The following GGA2 variants were observed in gnomAD, a reference collection of about 807,000 sequenced individuals.
GGA2 encodes the protein ADP-ribosylation factor-binding protein GGA2.
Under a neutral mutation model 79.5 loss-of-function variants are expected in GGA2, and 48 were observed. The observed-to-expected ratio is 0.60, with a 90% CI of 0.48 to 0.77. GGA2 has a LOEUF of 0.77. Among genes scored for constraint, GGA2 ranks in the 30% least tolerant of loss-of-function variants. The pLI is 0.00. For synonymous variants in GGA2, 317 were observed against 302.0 expected, an observed-to-expected ratio of 1.05 and a Z score of -0.51; for missense variants, 770 against 774.0, an observed-to-expected ratio of 0.99 and a Z score of 0.06.
chr16:23,489,045 G>A lies in GGA2; in HGVS notation c.476-336C>T, dbSNP rs917605047. Among the ~76,000 whole-genome samples, 14 of 152,256 alleles carry A rather than the reference G, an allele frequency of 9.2e-5. 1 individual carries two copies. Among genetic ancestry groups the A allele is most frequent in the African/African-American group, 3.1e-4 (13 of 41,540 alleles). Reference sequence around the variant, plus strand: ...GATCAAAAGTTTCTGGAGGGTCCCTGATGAAGCTCCTGAAAATGCTGAGTG... The same window carrying A: ...GATCAAAAGTTTCTGGAGGGTCCCTAATGAAGCTCCTGAAAATGCTGAGTG... On this transcript the variant is annotated intron_variant, in intron 5 of 16. Transcript: ENST00000309859.
In GGA2 at chr16:23,464,375, GCAGATGATAC is replaced by G. The variant is rs1567355110; in HGVS notation, c.*3205_*3214del. ...TGTGGTGAAGCAGGCCCTGGTCTTG[GCAGATGATAC>G]CAGAAGGGCACTGAGTGCCAGCGTG... is the stretch of plus-strand genomic sequence containing the variant. On this transcript the variant is annotated 3_prime_UTR_variant, in exon 17 of 17. Transcript: ENST00000309859. The G allele has an allele frequency of 2.0e-5, 3 of 152,168 alleles. No individual in the cohort carries two copies. The highest frequency in any genetic ancestry group is 6.6e-5 in the Admixed American group (1 of 15,262). 9.4% of individuals were successfully genotyped at this position (152,168 alleles called of 1,614,324 possible). A position where few individuals can be genotyped will look rare whatever the true frequency, so the allele number is the denominator to read the frequency against.
rs118145160 is a variant in GGA2, at chr16:23,486,266, A to G, written c.661-114T>C. 853 of 885,532 alleles carry G rather than the reference A, an allele frequency of 9.6e-4. 2 individuals carry two copies. The highest frequency in any genetic ancestry group is 1.2e-3 in the Non-Finnish European group (662 of 554,682). 54.9% of individuals were successfully genotyped at this position (885,532 alleles called of 1,614,324 possible). A position where few individuals can be genotyped will look rare whatever the true frequency, so the allele number is the denominator to read the frequency against. ...GAGCTCGCTCAGGGGCATCACCAGG[A>G]TGTTAAGTGCATGGGAGAACTCACA... On this transcript the variant is annotated intron_variant, in intron 7 of 16. Coordinates refer to ENST00000309859, the MANE Select transcript of GGA2 (RefSeq NM_015044.4).
chr16:23,521,931 T>A, exon 1 of GGA2: 8 of 411,920 alleles, frequency 1.9e-5, no homozygotes, highest in Non-Finnish European at 3.9e-5. Context: ...TTTTGCCTCG[T>A]ACTATAACCT....
intron 13 of GGA2, among the ~76,000 whole-genome samples, chr16:23,476,324 CTAT>C (rs973496541): frequency 1.3e-5 from 2 of 152,170 alleles, no homozygotes; most frequent in African/African-American, 4.8e-5. Flanking sequence ...CTGGTGGTTT[CTAT>C]CAGGAACATG....
chr16:23,472,184 GTTTTTTTTTTTTT>G lies in GGA2; in HGVS notation c.1451-2032_1451-2020del, dbSNP rs749688834. ...TCCAAAGATGTTCTTTGTAGCCCTG[GTTTTTTTTTTTTT>G]TTTTTTTTTTTTTTTAGACACAGTC... On this transcript the variant is annotated intron_variant, in intron 14 of 16. Transcript: ENST00000309859. 7.1e-4 allele frequency among the ~76,000 whole-genome samples: 39 copies of G among 54,868 alleles called. 1 individual carries two copies. In the South Asian group the frequency reaches 0.021, roughly 30 times the overall value. 36.0% of individuals were successfully genotyped at this position (54,868 alleles called of 152,430 possible).
intron 13 of GGA2, among the ~76,000 whole-genome samples, chr16:23,475,481 C>T (rs904367628): frequency 3.3e-5 from 5 of 151,590 alleles, no homozygotes; most frequent in Admixed American, 1.3e-4. Flanking sequence ...TGAGCTAATG[C>T]GCCAGATGTT....
At chr16:23,472,536 T>C (rs1283127224) in intron 14 of GGA2, among the ~76,000 whole-genome samples, 7 of 151,140 alleles carry the variant, frequency 4.6e-5, no homozygotes, top group South Asian at 4.2e-4. Flanking sequence ...TAGAAAGAAA[T>C]TGACCTTCAG....
intron 1 of GGA2, chr16:23,501,309 T>A (rs1305578245): frequency 4.4e-6 from 2 of 456,990 alleles, no homozygotes; most frequent in Non-Finnish European, 4.4e-6. Context: ...CTTGGAGCCA[T>A]GCTTCTTGCC....
At chr16:23,510,966 CAT>C (rs1965046837), upstream of GGA2, among the ~76,000 whole-genome samples, 9 of 127,682 alleles carry the variant, frequency 7.0e-5, no homozygotes, top group African/African-American at 2.8e-4. Flanking sequence ...TGGGTTTCAC[CAT>C]GTTGCCCGGG....
Position 23,465,494 on chromosome 16 carries a change from A to G in GGA2, c.*2096T>C, listed in dbSNP as rs1964424244. ...CTCAAAAGCAAGAATGTTCAGGTAC[A>G]CATGTGTGAGTTCACCTCCTAACTA... On this transcript the variant is annotated 3_prime_UTR_variant, in exon 17 of 17. Transcript: ENST00000309859. 1 of 694,188 alleles carries G rather than the reference A, an allele frequency of 1.4e-6. No homozygotes were observed. The highest frequency in any genetic ancestry group is 2.6e-6 in the Non-Finnish European group (1 of 380,264). The allele number at this position is 694,188 out of a possible 1,614,324, so 43.0% of individuals were successfully genotyped here.
chr16:23,465,378 A>T lies in GGA2; in HGVS notation c.*2212T>A. ...AGAAGGGAGTGATGCCATAAACCAC[A>T]GCCACTTTCAGGACAGCAGCCTGCC... On this transcript the variant is annotated 3_prime_UTR_variant, in exon 17 of 17. Transcript: ENST00000309859. 1.4e-6 allele frequency: 1 copy of T among 702,968 alleles called. No homozygotes were observed. Among genetic ancestry groups the T allele is most frequent in the Non-Finnish European group, 2.6e-6 (1 of 384,846 alleles). The allele number at this position is 702,968 out of a possible 1,614,324, so 43.5% of individuals were successfully genotyped here.
chr16:23,516,484 A>G lies in GGA2; in HGVS notation c.61+3103T>C, dbSNP rs552866841. On this transcript the variant is annotated intron_variant, in intron 2 of 5. Transcript: ENST00000569300. ...GCCCTTTTCTGTGCCTCATTTTCCA[A>G]TCTTCTCCTACTGGGGCTCCTTCCT... Among the ~76,000 whole-genome samples, 5 of 152,102 alleles carry G rather than the reference A, an allele frequency of 3.3e-5. No individual in the cohort carries two copies. The South Asian group carries it at 6.2e-4, about 19-fold the overall frequency.
chr16:23,511,208 AG>A (rs1965055478), upstream of GGA2, among the ~76,000 whole-genome samples: 1 of 151,746 alleles, frequency 6.6e-6, no homozygotes, highest in East Asian at 1.9e-4. Flanking sequence ...GCTGGAGTGC[AG>A]GGGTGCCATC....
chr16:23,520,432 T>G (rs1463809566), intron 1 of GGA2, among the ~76,000 whole-genome samples: 1 of 152,086 alleles, frequency 6.6e-6, no homozygotes, highest in Non-Finnish European at 1.5e-5. Flanking sequence ...CCTTCACTGC[T>G]GCACTATACC....
intron 14 of GGA2, among the ~76,000 whole-genome samples, chr16:23,470,743 T>C (rs1410490159): frequency 1.0e-5 from 1 of 97,310 alleles, no homozygotes; most frequent in Non-Finnish European, 2.1e-5. Flanking sequence ...AGCGAGACTC[T>C]GTCTCAAACA....
chr16:23,510,212 C>T, intron 1 of GGA2, 109 bp downstream of exon 1: 1 of 595,614 alleles, frequency 1.7e-6, no homozygotes, highest in Non-Finnish European at 2.5e-6. Flanking sequence ...CCTACCCGGC[C>T]GCCGGCCTCC....
At chr16:23,489,082 G>T (rs1475916403) in intron 5 of GGA2, among the ~76,000 whole-genome samples, 1 of 152,158 alleles carries the variant, frequency 6.6e-6, no homozygotes, top group Non-Finnish European at 1.5e-5. Context: ...ATGTGACAGG[G>T]AACAACAGTC....
intron 1 of GGA2, among the ~76,000 whole-genome samples, chr16:23,520,248 C>A (rs1226392528): frequency 3.8e-5 from 3 of 78,930 alleles, no homozygotes; most frequent in African/African-American, 5.4e-5. Context: ...AGTGAAACTA[C>A]GTCTCAAAAA....
At chr16:23,496,338 A>G (rs1964855678) in intron 1 of GGA2, among the ~76,000 whole-genome samples, 1 of 151,360 alleles carries the variant, frequency 6.6e-6, no homozygotes, top group Non-Finnish European at 1.5e-5. Flanking sequence ...TTAACTGACA[A>G]GTTATTCCCC....
Sources: gnomAD v4.1 joint callset for allele counts (sites outside exome capture counted in the v4.1 genomes callset) on GRCh38, gnomAD v4.1.1 for gene constraint, MANE v1.5 for transcripts, NCBI Gene and HGNC (gene_info 2026-07-23, HGNC 2026-07-21) for gene names.